Variants in CTBP2 observed in about 807,000 individuals in gnomAD.
CTBP2 encodes the protein C-terminal binding protein 2.
CTBP2 carries 30 observed loss-of-function variants against 80.3 expected under a neutral mutation model. That is an observed-to-expected ratio of 0.37 (90% confidence interval 0.28 to 0.51). CTBP2 has a LOEUF of 0.51. Among genes scored for constraint, CTBP2 ranks in the 20% least tolerant of loss-of-function variants. The probability of loss-of-function intolerance (pLI) is 0.93; values close to 1 mark genes in which losing one functional copy is unlikely to be tolerated. For missense variants in CTBP2, 1,212 were observed against 1,375.3 expected (o/e 0.88, Z 1.88); for synonymous variants, 594 against 587.4 (o/e 1.01, Z -0.16).
chr10:125,001,838 G>C (rs1954551361), intron 3 of CTBP2, among the ~76,000 whole-genome samples: 2 of 152,200 alleles, frequency 1.3e-5, no homozygotes, highest in Non-Finnish European at 2.9e-5. Context: ...CTAAGATTCT[G>C]ACCCATACAC....
intron 2 of CTBP2, among the ~76,000 whole-genome samples, chr10:125,074,678 C>G (rs1846024571): frequency 6.6e-6 from 1 of 152,242 alleles, no homozygotes; most frequent in Non-Finnish European, 1.5e-5. Context: ...GTAAGTGTGA[C>G]TGGGTGTACG....
intron 2 of CTBP2, among the ~76,000 whole-genome samples, chr10:125,049,225 C>T (rs916864619): frequency 3.9e-5 from 6 of 152,186 alleles, no homozygotes; most frequent in Non-Finnish European, 8.8e-5. Flanking sequence ...CTGGTGTAGC[C>T]CACTAATGCC....
intron 2 of CTBP2, among the ~76,000 whole-genome samples, chr10:125,059,149 G>A (rs1226921949): frequency 1.3e-5 from 2 of 152,128 alleles, no homozygotes; most frequent in Non-Finnish European, 2.9e-5. Context: ...GTGGGGGTGG[G>A]AGGCGTGTTT....
rs938189105 is a variant in CTBP2, at chr10:125,120,155, G to A, written c.-205-9062C>T. ...TGCCCCAGCGAGGATCTAGGACCCC[G>A]ACTGATGCCGGGAAAGAGGCACAGC... On this transcript the variant is annotated intron_variant, in intron 1 of 10. Coordinates refer to the CTBP2 transcript ENST00000337195. 4.6e-5 allele frequency among the ~76,000 whole-genome samples: 7 copies of A among 152,192 alleles called. 1 individual carries two copies. Among genetic ancestry groups the A allele is most frequent in the Non-Finnish European group, 1.0e-4 (7 of 68,022 alleles).
intron 2 of CTBP2, among the ~76,000 whole-genome samples, chr10:125,060,995 C>T (rs1294591576): frequency 6.6e-6 from 1 of 152,152 alleles, no homozygotes; most frequent in East Asian, 1.9e-4. Flanking sequence ...TAGGGCAGCC[C>T]ATAGCCAGCC....
chr10:125,018,789 A>G (rs1278497013), intron 1 of CTBP2, among the ~76,000 whole-genome samples: 1 of 152,212 alleles, frequency 6.6e-6, no homozygotes, highest in Non-Finnish European at 1.5e-5. Flanking sequence ...CTCCCCGCCA[A>G]CGCCACTGGC....
At chr10:125,149,630 C>T (rs1256320575) in intron 1 of CTBP2, among the ~76,000 whole-genome samples, 1 of 152,248 alleles carries the variant, frequency 6.6e-6, no homozygotes. Context: ...CCAGAATACA[C>T]ATGTGCTCAC....
At chr10:125,025,598 G>T (rs530048666) in intron 1 of CTBP2, among the ~76,000 whole-genome samples, 1 of 152,136 alleles carries the variant, frequency 6.6e-6, no homozygotes, top group East Asian at 1.9e-4. Flanking sequence ...CCTCTGATAC[G>T]GCGTGCGGAC....
Position 124,998,026 on chromosome 10 carries a change from A to G in CTBP2, c.2123T>C (p.Ile708Thr), listed in dbSNP as rs1206081439. The G allele has an allele frequency of 6.2e-7, 1 of 1,613,324 alleles. No individual in the cohort carries two copies. Among genetic ancestry groups the G allele is most frequent in the South Asian group, 1.1e-5 (1 of 91,078 alleles). ...GGCCGCTCCCGAGGCCACCTCGCGG[A>G]TCTGCTCCACGCTCTGAACCCGCGT... Residue 708 changes from isoleucine to threonine, a missense_variant, in exon 4 of 9, where the codon ATC (isoleucine) becomes ACC (threonine). Physicochemically the swap from Ile to Thr is moderately conservative, Grantham distance 89. Transcript: ENST00000309035.
At chr10:125,157,978 T>TA (rs1487448783) in intron 1 of CTBP2, among the ~76,000 whole-genome samples, 2 of 152,222 alleles carry the variant, frequency 1.3e-5, no homozygotes, top group Non-Finnish European at 2.9e-5. Context: ...AACTCTACGA[T>TA]ACAGTCTCTG....
At chr10:125,147,801 ATGGGAAAAT>A (rs1859057246) in intron 1 of CTBP2, among the ~76,000 whole-genome samples, 1 of 152,036 alleles carries the variant, frequency 6.6e-6, no homozygotes, top group East Asian at 1.9e-4. Flanking sequence ...GGAGGCTGAG[ATGGGAAAAT>A]TGCTTGAACC....
intron 3 of CTBP2, among the ~76,000 whole-genome samples, chr10:125,034,653 ACT>A (rs1453304316): frequency 2.6e-5 from 4 of 152,192 alleles, no homozygotes; most frequent in African/African-American, 7.2e-5. Context: ...GCAGGCTTCA[ACT>A]CTGTTTCTTT....
At chr10:125,017,934 T>C (rs531441877) in intron 1 of CTBP2, among the ~76,000 whole-genome samples, 37 of 152,320 alleles carry the variant, frequency 2.4e-4, no homozygotes, top group Non-Finnish European at 4.7e-4. Context: ...GAGCCCATCA[T>C]GATGACTGCT....
At chr10:125,126,406 G>A (rs558518969) in intron 1 of CTBP2, among the ~76,000 whole-genome samples, 1 of 152,344 alleles carries the variant, frequency 6.6e-6, no homozygotes, top group South Asian at 2.1e-4. Flanking sequence ...TTTGGGTTCA[G>A]GCTAGAATTC....
intron 3 of CTBP2, among the ~76,000 whole-genome samples, chr10:125,034,417 T>C (rs1958623255): frequency 6.6e-6 from 1 of 152,250 alleles, no homozygotes; most frequent in South Asian, 2.1e-4. Context: ...ATTGTTTGGG[T>C]ATGTTCATTT....
intron 2 of CTBP2, among the ~76,000 whole-genome samples, chr10:125,050,577 C>T (rs570121663): frequency 6.6e-6 from 1 of 151,982 alleles, no homozygotes; most frequent in Non-Finnish European, 1.5e-5. Context: ...CCGTGTCACA[C>T]AAATTCATCT....
chr10:125,068,073 G>C (rs1464426142), intron 2 of CTBP2, among the ~76,000 whole-genome samples: 1 of 152,124 alleles, frequency 6.6e-6, no homozygotes, highest in Non-Finnish European at 1.5e-5. Context: ...CCTCAACTCA[G>C]CCCCAACAAG....
chr10:125,038,037 G>A (rs1959061812), intron 3 of CTBP2, among the ~76,000 whole-genome samples: 1 of 152,136 alleles, frequency 6.6e-6, no homozygotes, highest in Non-Finnish European at 1.5e-5. Context: ...TCCTTATACT[G>A]AACCCCAGGA....
chr10:125,002,662 C>T (rs904694931), intron 3 of CTBP2, among the ~76,000 whole-genome samples: 8 of 152,326 alleles, frequency 5.3e-5, no homozygotes, highest in African/African-American at 1.7e-4. Context: ...ATTCTCCCCT[C>T]TGGAGGCGGC....
Sources: allele counts gnomAD v4.1 joint callset (sites outside exome capture counted in the v4.1 genomes callset), GRCh38; gene constraint gnomAD v4.1.1; transcripts MANE v1.5; gene names NCBI Gene and HGNC (gene_info 2026-07-23, HGNC 2026-07-21).